The following NPHP4 variants were observed in gnomAD, a reference collection of about 807,000 sequenced individuals.
The protein encoded by NPHP4 is nephrocystin 4.
Under a neutral mutation model 155.8 loss-of-function variants are expected in NPHP4, and 151 were observed. The observed-to-expected ratio is 0.97, with a 90% CI of 0.85 to 1.11. The LOEUF is 1.11. NPHP4 is among the 50% of genes least tolerant of loss of function. The pLI, the probability that NPHP4 is intolerant of heterozygous loss-of-function variation, is 0.00. For missense variants in NPHP4, 1,956 were observed against 1,925.7 expected (o/e 1.02, Z -0.29); for synonymous variants, 845 against 816.8 (o/e 1.03, Z -0.59).
At position 5,924,661 on chromosome 1, in the gene NPHP4, T is replaced by C. The variant is rs146010267; in HGVS notation, c.1441+2988A>G. Among the ~76,000 whole-genome samples, 17 of 152,266 alleles carry C rather than the reference T, an allele frequency of 1.1e-4. No homozygotes were observed. In the East Asian group the frequency reaches 3.1e-3, roughly 28 times the overall value. On this transcript the variant is annotated intron_variant, in intron 11 of 29. Coordinates refer to ENST00000378156, the MANE Select transcript of NPHP4 (RefSeq NM_015102.5). ...GTGCCATAACTATATCTTTATTTAC[T>C]TATTTATTTTTGAGACAAGGTCTCA...
chr1:5,886,383 G>A (rs12735231), intron 18 of NPHP4: 28,738 of 152,228 alleles, frequency 0.19, 2,987 homozygotes, highest in African/African-American at 0.27. Context: ...CCAGCGTCGG[G>A]TGGATGTGGC....
At chr1:5,885,782 C>G (rs963677534) in intron 18 of NPHP4, among the ~76,000 whole-genome samples, 2 of 152,232 alleles carry the variant, frequency 1.3e-5, no homozygotes, top group African/African-American at 4.8e-5. Context: ...TACTGTACCA[C>G]AGAATAGCCA....
chr1:5,925,287 C>T (rs1347473053), intron 11 of NPHP4, among the ~76,000 whole-genome samples: 1 of 152,110 alleles, frequency 6.6e-6, no homozygotes, highest in Non-Finnish European at 1.5e-5. Flanking sequence ...ATAGCATTTG[C>T]ACTGTATTAG....
Position 5,948,242 on chromosome 1 carries a change from G to T in NPHP4, c.820C>A (p.Pro274Thr). 2 of 1,569,948 alleles carry T rather than the reference G, an allele frequency of 1.3e-6. No homozygotes were observed. Among genetic ancestry groups the T allele is most frequent in the Non-Finnish European group, 1.7e-6 (2 of 1,160,972 alleles). ...VQDHFQEGCGPLDGGALEILE... is the reference protein window; with the variant it reads ...VQDHFQEGCGTLDGGALEILE... ...ATCTCCAGGGCACCACCGTCCAGTG[G>T]GCCACATCCCTGGAAGAGGCACAGA... Residue 274 changes from proline (P) to threonine (T), a missense_variant, in exon 8 of 30, where the codon CCA becomes ACA. Transcript: ENST00000378156.
intron 27 of NPHP4, 86 bp downstream of exon 27, chr1:5,865,016 C>A (rs1380771568): frequency 1.4e-6 from 2 of 1,380,050 alleles, no homozygotes; most frequent in Admixed American, 1.8e-5. Flanking sequence ...GTCAGGGCCA[C>A]CCACTGTGCT....
Position 5,948,262 on chromosome 1 carries a change from C to A in NPHP4, c.811-11G>T. ...CAGTGGGCCACATCCCTGGAAGAGG[C>A]ACAGAAGGAATGAGCCCCGGCACAG... On this transcript the variant is annotated splice_polypyrimidine_tract_variant and intron_variant, in intron 7 of 29. Coordinates refer to ENST00000378156, the MANE Select transcript of NPHP4 (RefSeq NM_015102.5). 2 of 1,544,114 alleles carry A rather than the reference C, an allele frequency of 1.3e-6. No individual in the cohort carries two copies. Among genetic ancestry groups the A allele is most frequent in the Non-Finnish European group, 1.7e-6 (2 of 1,147,322 alleles).
At chr1:5,898,061 C>G (rs1644481438) in intron 16 of NPHP4, among the ~76,000 whole-genome samples, 1 of 152,196 alleles carries the variant, frequency 6.6e-6, no homozygotes, top group African/African-American at 2.4e-5. Flanking sequence ...GGACTGGAGG[C>G]TGGTCTGATG....
At chr1:5,911,375 GAT>G (rs1645171449) in intron 11 of NPHP4, among the ~76,000 whole-genome samples, 1 of 152,212 alleles carries the variant, frequency 6.6e-6, no homozygotes, top group Non-Finnish European at 1.5e-5. Context: ...GGCTGATTTT[GAT>G]AATGAGGACA....
intron 10 of NPHP4, among the ~76,000 whole-genome samples, chr1:5,929,003 C>A (rs1646148389): frequency 6.6e-6 from 1 of 151,970 alleles, no homozygotes; most frequent in Non-Finnish European, 1.5e-5. Context: ...TTATTGTTTT[C>A]AGCATACAGA....
intron 16 of NPHP4, among the ~76,000 whole-genome samples, chr1:5,902,215 T>C (rs1191840108): frequency 6.6e-6 from 1 of 152,208 alleles, no homozygotes; most frequent in African/African-American, 2.4e-5. Context: ...CCCCACTCTC[T>C]TCTTTTCAGA....
At chr1:5,941,712 G>T (rs1330104924) in intron 9 of NPHP4, among the ~76,000 whole-genome samples, 1 of 152,226 alleles carries the variant, frequency 6.6e-6, no homozygotes, top group Non-Finnish European at 1.5e-5. Flanking sequence ...ACAGGGGCCA[G>T]CCTCAAGGAC....
At chr1:5,898,384 C>T (rs1291174102) in intron 16 of NPHP4, among the ~76,000 whole-genome samples, 1 of 152,272 alleles carries the variant, frequency 6.6e-6, no homozygotes, top group Non-Finnish European at 1.5e-5. Flanking sequence ...AGGCCACTCA[C>T]AGCTCCAAAC....
intron 5 of NPHP4, among the ~76,000 whole-genome samples, chr1:5,962,385 C>T (rs569164659): frequency 2.1e-3 from 318 of 152,166 alleles, no homozygotes; most frequent in African/African-American, 6.9e-3. Context: ...TCTCTCCCAC[C>T]CACTAATTCC....
chr1:5,875,194 G>A, intron 20 of NPHP4, 94 bp from the exon 21 acceptor site: 1 of 965,690 alleles, frequency 1.0e-6, no homozygotes, highest in Non-Finnish European at 1.6e-6. Flanking sequence ...GATCTCAGAA[G>A]AGGACATTTC....
chr1:5,925,004 A>G (rs2101633892), intron 11 of NPHP4, among the ~76,000 whole-genome samples: 1 of 152,256 alleles, frequency 6.6e-6, no homozygotes, highest in Middle Eastern at 3.4e-3. Flanking sequence ...GAAGGTAGTC[A>G]TATTTTTCCT....
In NPHP4 at chr1:5,880,325, G is replaced by A. The variant is rs796852720; in HGVS notation, c.2486-86C>T. 29 of 1,417,350 alleles carry A rather than the reference G, an allele frequency of 2.0e-5. No homozygotes were observed. The African/African-American group carries it at 3.8e-4, about 19-fold the overall frequency. The allele number at this position is 1,417,350 out of a possible 1,614,324, so 87.8% of individuals were successfully genotyped here. A position where few individuals can be genotyped will look rare whatever the true frequency, so the allele number is the denominator to read the frequency against. ...TCAACCCACCACATAAGCGGCTGTG[G>A]CTTTCAAATGGCCTATCTACACCCT... On this transcript the variant is annotated intron_variant, in intron 18 of 29. Coordinates refer to ENST00000378156, the MANE Select transcript of NPHP4 (RefSeq NM_015102.5).
intron 18 of NPHP4, among the ~76,000 whole-genome samples, chr1:5,883,366 G>A (rs552727466): frequency 6.6e-6 from 1 of 152,158 alleles, no homozygotes; most frequent in South Asian, 2.1e-4. Context: ...TGCCACCGAT[G>A]TTCACGCTCC....
At chr1:5,917,791 C>A (rs1281945842) in intron 11 of NPHP4, among the ~76,000 whole-genome samples, 1 of 152,120 alleles carries the variant, frequency 6.6e-6, no homozygotes, top group African/African-American at 2.4e-5. Flanking sequence ...ATGAGTCAGT[C>A]CCCAGTCCCC....
intron 11 of NPHP4, among the ~76,000 whole-genome samples, chr1:5,922,214 C>G (rs1645776453): frequency 6.6e-6 from 1 of 152,210 alleles, no homozygotes. Context: ...GGATTTTCCC[C>G]TGGAGCCTCC....
Sources: gnomAD v4.1 joint callset for allele counts (sites outside exome capture counted in the v4.1 genomes callset) on GRCh38, gnomAD v4.1.1 for gene constraint, MANE v1.5 for transcripts, NCBI Gene and HGNC (gene_info 2026-07-23, HGNC 2026-07-21) for gene names.